The following RAI14 variants were observed in gnomAD, a reference collection of about 807,000 sequenced individuals.
RAI14 encodes the protein ankycorbin.
Under a neutral mutation model 115.4 loss-of-function variants are expected in RAI14, and 45 were observed. The ratio of observed to expected loss-of-function variants is 0.39; its 90% CI spans 0.31 to 0.50. The LOEUF is 0.50. Ranked by LOEUF, RAI14 falls within the 20% of genes least tolerant of loss-of-function variation. The probability of loss-of-function intolerance (pLI) is 0.85; values close to 1 mark genes in which losing one functional copy is unlikely to be tolerated. For synonymous variants in RAI14, 371 were observed against 415.4 expected (o/e 0.89, Z 1.30); for missense variants, 939 against 1,131.2 (o/e 0.83, Z 2.44).
rs182250857 is a variant in RAI14, at chr5:34,730,409, G to A, written c.37-27059G>A. ...ATTTATTGGCCAGGCATGGATGGTG[G>A]CTCATGCCTGTAATCCCAGCACTCT... On this transcript the variant is annotated intron_variant, in intron 2 of 17. Coordinates refer to ENST00000265109, the MANE Select transcript of RAI14 (RefSeq NM_015577.3). Among the ~76,000 whole-genome samples, 238 of 152,132 alleles carry A rather than the reference G, an allele frequency of 1.6e-3. 1 individual carries two copies. Among genetic ancestry groups the A allele is most frequent in the Admixed American group, 2.6e-3 (39 of 15,278 alleles).
Position 34,796,154 on chromosome 5 carries a change from C to G in RAI14, c.256+127C>G, listed in dbSNP as rs531571991. On this transcript the variant is annotated intron_variant, in intron 4 of 17. Transcript: ENST00000265109. ...CTCATCCTGTAATTACAGCACTCTG[C>G]GAGGGTGAGGTGTGTGGATCACTTG... 8.6e-6 allele frequency: 6 copies of G among 699,582 alleles called. No individual in the cohort carries two copies. The Admixed American group carries it at 1.1e-4, about 13-fold the overall frequency. 43.3% of individuals were successfully genotyped at this position (699,582 alleles called of 1,614,324 possible). A position where few individuals can be genotyped will look rare whatever the true frequency, so the allele number is the denominator to read the frequency against.
Position 34,830,707 on chromosome 5 carries a change from T to C in RAI14, c.2885T>C (p.Val962Ala). Residue 962 changes from valine to alanine, a missense_variant, in exon 18 of 18, where the codon GTC becomes GCC. Coordinates refer to ENST00000265109, the MANE Select transcript of RAI14 (RefSeq NM_015577.3). ...TCCTAGGGCCAGATGGATGAAGATG[T>C]CCAGAAAGTACTGAAGCAAATCCTT... ...YAVQGQMDED[V>A]QKVLKQILTM... The C allele has an allele frequency of 6.2e-7, 1 of 1,614,142 alleles. No individual in the cohort carries two copies. Among genetic ancestry groups the C allele is most frequent in the East Asian group, 2.2e-5 (1 of 44,870 alleles).
chr5:34,757,874 G>A (rs1042644689), intron 3 of RAI14: 3 of 232,732 alleles, frequency 1.3e-5, no homozygotes, highest in East Asian at 8.9e-5. Context: ...TTCTCTCTTC[G>A]ATAAGAAATA....
chr5:34,828,065 C>G (rs1026501065), intron 16 of RAI14, among the ~76,000 whole-genome samples: 2 of 152,126 alleles, frequency 1.3e-5, no homozygotes, highest in Non-Finnish European at 1.5e-5. Flanking sequence ...AGAACCATTC[C>G]AGTGGAGTGG....
At chr5:34,750,351 C>G (rs986405400) in intron 2 of RAI14, among the ~76,000 whole-genome samples, 1 of 152,130 alleles carries the variant, frequency 6.6e-6, no homozygotes, top group African/African-American at 2.4e-5. Flanking sequence ...GGCCAGAAAT[C>G]ATATGCAAGT....
At position 34,793,142 on chromosome 5, in the gene RAI14, A is replaced by G. The variant is rs116535605; in HGVS notation, c.168-2797A>G. On this transcript the variant is annotated intron_variant, in intron 3 of 17. Transcript: ENST00000265109. Reference sequence around the variant, plus strand: ...ATCAGGGATTTTCTTTTACAAAGCTATGTCTAAGAAAATTCTTTTGTGGGA... The same window carrying G: ...ATCAGGGATTTTCTTTTACAAAGCTGTGTCTAAGAAAATTCTTTTGTGGGA... Among the ~76,000 whole-genome samples, 684 of 152,352 alleles carry G rather than the reference A, an allele frequency of 4.5e-3. 4 individuals are homozygous for G. The highest frequency in any genetic ancestry group is 0.016 in the African/African-American group (669 of 41,578).
intron 2 of RAI14, among the ~76,000 whole-genome samples, chr5:34,726,502 A>G (rs115045981): frequency 0.012 from 1,879 of 152,258 alleles, 35 homozygotes; most frequent in African/African-American, 0.043. Context: ...CCATGATCCA[A>G]TGACCTCCCA....
In RAI14 at chr5:34,823,956, A is replaced by C; in HGVS notation, c.2114A>C (p.Gln705Pro). Residue 705 changes from glutamine (Q) to proline (P), a missense_variant, in exon 15 of 18, where the codon CAG becomes CCG. Coordinates refer to ENST00000265109, the MANE Select transcript of RAI14 (RefSeq NM_015577.3). This position sits in a 1 kb window ranked among gnomAD's most constrained non-coding sequence, Gnocchi z 4.5. ...AEDALSEMKSQYSKVLNELTQ... is the reference protein window; with the variant it reads ...AEDALSEMKSPYSKVLNELTQ... ...GATGCACTGTCTGAAATGAAGTCTC[A>C]GTATTCAAAAGTGTTGAATGAGTTG... is the stretch of plus-strand genomic sequence containing the variant. 1 of 1,614,194 alleles carries C rather than the reference A, an allele frequency of 6.2e-7. No individual in the cohort carries two copies. Among genetic ancestry groups the C allele is most frequent in the Non-Finnish European group, 8.5e-7 (1 of 1,180,022 alleles).
rs561174024 is a variant in RAI14 at position 34,745,663 on chromosome 5, C to T, written c.37-11805C>T. Among the ~76,000 whole-genome samples the T allele has an allele frequency of 4.6e-5, 7 of 152,332 alleles. No homozygotes were observed. The East Asian group carries it at 1.3e-3, about 29-fold the overall frequency. ...AAGCCAACTGCCCCTTTCTCCCATC[C>T]TACCCGATGCCTCCAGTGAAAAATC... On this transcript the variant is annotated intron_variant, in intron 2 of 17. Coordinates refer to ENST00000265109, the MANE Select transcript of RAI14 (RefSeq NM_015577.3).
chr5:34,703,466 A>C (rs1330522340), intron 2 of RAI14, among the ~76,000 whole-genome samples: 1 of 152,210 alleles, frequency 6.6e-6, no homozygotes, highest in Non-Finnish European at 1.5e-5. Flanking sequence ...TTACTAAGAG[A>C]CAAAAGCAAG....
intron 2 of RAI14, among the ~76,000 whole-genome samples, chr5:34,746,492 T>C (rs1314295054): frequency 4.1e-5 from 6 of 147,708 alleles, no homozygotes; most frequent in African/African-American, 1.3e-4. Context: ...GCAACCTCTG[T>C]CTCCTGGGTT....
intron 2 of RAI14, among the ~76,000 whole-genome samples, chr5:34,696,035 G>C (rs1033842267): frequency 1.3e-5 from 2 of 152,100 alleles, no homozygotes; most frequent in African/African-American, 4.8e-5. Context: ...TCCCAGGCTG[G>C]TTTTGAACTC....
At chr5:34,771,309 C>A (rs575069382) in intron 3 of RAI14, among the ~76,000 whole-genome samples, 1 of 152,210 alleles carries the variant, frequency 6.6e-6, no homozygotes, top group East Asian at 1.9e-4. Context: ...TGGTGGCTTG[C>A]TTCATTTGGG....
At chr5:34,801,741 A>G (rs371388241) in intron 4 of RAI14, among the ~76,000 whole-genome samples, 2,549 of 152,002 alleles carry the variant, frequency 0.017, 57 homozygotes, top group African/African-American at 0.057. Context: ...CTTTCTAAAA[A>G]AAAAAAGGTA....
intron 3 of RAI14, among the ~76,000 whole-genome samples, chr5:34,768,923 A>C (rs1749781968): frequency 6.6e-6 from 1 of 151,312 alleles, no homozygotes; most frequent in African/African-American, 2.4e-5. Flanking sequence ...TGGGAGGTGG[A>C]GGTTGCAGCG....
chr5:34,831,942 G>GT lies in RAI14; in HGVS notation c.*1179dup, dbSNP rs1758042472. On this transcript the variant is annotated 3_prime_UTR_variant, in exon 18 of 18. Transcript: ENST00000265109. The stretch of plus-strand genomic sequence containing the variant: ...CCCATAAATGATCTCTAGAAGGACT[G>GT]TTAGTACCAATCTGTTTTTCAACTT... The GT allele has an allele frequency of 6.6e-6, 1 of 152,088 alleles. No individual in the cohort carries two copies. The highest frequency in any genetic ancestry group is 1.5e-5 in the Non-Finnish European group (1 of 68,028). 9.4% of individuals were successfully genotyped at this position (152,088 alleles called of 1,614,324 possible). A position where few individuals can be genotyped will look rare whatever the true frequency, so the allele number is the denominator to read the frequency against.
At chr5:34,742,868 T>G (rs1745697651) in intron 2 of RAI14, among the ~76,000 whole-genome samples, 1 of 152,174 alleles carries the variant, frequency 6.6e-6, no homozygotes, top group Non-Finnish European at 1.5e-5. Flanking sequence ...TTTCACCATC[T>G]TGTCCAGGCG....
intron 3 of RAI14, among the ~76,000 whole-genome samples, chr5:34,790,030 A>G (rs1752740162): frequency 6.6e-6 from 1 of 152,234 alleles, no homozygotes; most frequent in African/African-American, 2.4e-5. Flanking sequence ...TCAAAATCAC[A>G]GACATTAGGA....
At chr5:34,815,184 C>T (rs1756065458) in intron 12 of RAI14, among the ~76,000 whole-genome samples, 1 of 151,992 alleles carries the variant, frequency 6.6e-6, no homozygotes, top group Admixed American at 6.6e-5. Context: ...AGATCGAGAC[C>T]ATCCTGGCCA....
Sources: allele counts gnomAD v4.1 joint callset (sites outside exome capture counted in the v4.1 genomes callset), GRCh38; gene constraint gnomAD v4.1.1; non-coding constraint Gnocchi (gnomAD v3.1); transcripts MANE v1.5; gene names NCBI Gene and HGNC (gene_info 2026-07-23, HGNC 2026-07-21).